SIPA1L3: variants seen among roughly 807,000 people sequenced by gnomAD.
SIPA1L3 encodes signal-induced proliferation-associated 1-like protein 3.
A neutral mutation model predicts 150.1 loss-of-function variants in SIPA1L3; 59 were observed. That is an observed-to-expected ratio of 0.39 (90% CI 0.32 to 0.49). The LOEUF is 0.49. Among genes scored for constraint, SIPA1L3 ranks in the 20% least tolerant of loss-of-function variants. The pLI is 0.86. For synonymous variants in SIPA1L3, 1,070 were observed against 1,077.6 expected, an observed-to-expected ratio of 0.99 and a Z score of 0.14; for missense variants, 2,211 against 2,489.5, an observed-to-expected ratio of 0.89 and a Z score of 2.38.
chr19:38,078,093 C>A (rs964846865), intron 2 of SIPA1L3, among the ~76,000 whole-genome samples: 2 of 152,176 alleles, frequency 1.3e-5, no homozygotes, highest in African/African-American at 4.8e-5. Context: ...AGATGCCCTG[C>A]CATCCAGGTC....
intron 2 of SIPA1L3, among the ~76,000 whole-genome samples, chr19:38,050,950 T>C (rs1377702087): frequency 6.6e-6 from 1 of 152,044 alleles, no homozygotes; most frequent in East Asian, 1.9e-4. Flanking sequence ...TCCCAGCTAC[T>C]CCAGAGGCTG....
At chr19:38,148,924 C>G (rs1971760592) in intron 12 of SIPA1L3, among the ~76,000 whole-genome samples, 2 of 152,192 alleles carry the variant, frequency 1.3e-5, no homozygotes, top group South Asian at 4.1e-4. Context: ...ATTTGATCTT[C>G]TCTTCTGCCG....
chr19:37,962,463 C>CTTTGTTTTTT (rs2046867631), intron 1 of SIPA1L3, among the ~76,000 whole-genome samples: 1 of 73,102 alleles, frequency 1.4e-5, no homozygotes, highest in Non-Finnish European at 2.3e-5. Flanking sequence ...TGCAGCCGGC[C>CTTTGTTTTTT]TTTTTTTTTT....
At chr19:38,204,675 G>T (rs544163705) in intron 21 of SIPA1L3, among the ~76,000 whole-genome samples, 2 of 152,160 alleles carry the variant, frequency 1.3e-5, no homozygotes, top group East Asian at 3.9e-4. Flanking sequence ...TGAGGCAAGA[G>T]AATCGCTTGA....
intron 1 of SIPA1L3, among the ~76,000 whole-genome samples, chr19:37,997,016 C>T (rs940635154): frequency 6.6e-6 from 1 of 151,758 alleles, no homozygotes; most frequent in Non-Finnish European, 1.5e-5. Flanking sequence ...TGTTTTTATA[C>T]TAGCCCCAGG....
intron 1 of SIPA1L3, among the ~76,000 whole-genome samples, chr19:38,021,380 A>G (rs1968369935): frequency 6.6e-6 from 1 of 152,234 alleles, no homozygotes; most frequent in African/African-American, 2.4e-5. Context: ...TGGCCTTAAG[A>G]CAGCTGTTGG....
intron 1 of SIPA1L3, among the ~76,000 whole-genome samples, chr19:38,024,425 T>A (rs1599920008): frequency 1.3e-5 from 2 of 151,920 alleles, no homozygotes; most frequent in African/African-American, 4.8e-5. Context: ...GAGATGAGGG[T>A]GTGGGGCCTG....
chr19:38,012,996 G>A (rs1327743491), intron 1 of SIPA1L3, among the ~76,000 whole-genome samples: 4 of 152,186 alleles, frequency 2.6e-5, no homozygotes, highest in Non-Finnish European at 5.9e-5. Flanking sequence ...AGTGGCCAGT[G>A]CTGCAGGCCT....
At chr19:37,916,415 A>G (rs1599789514) in intron 1 of SIPA1L3, among the ~76,000 whole-genome samples, 1 of 150,666 alleles carries the variant, frequency 6.6e-6, no homozygotes, top group African/African-American at 2.4e-5. Flanking sequence ...TGAGAGGATC[A>G]CTTGAGCCCA....
At chr19:38,171,447 C>T (rs1419999386) in intron 15 of SIPA1L3, among the ~76,000 whole-genome samples, 5 of 137,592 alleles carry the variant, frequency 3.6e-5, no homozygotes, top group Non-Finnish European at 3.0e-5. Context: ...GGCTGCAGTG[C>T]AATGGCACAG....
chr19:38,195,162 C>T (rs78005068), intron 18 of SIPA1L3, among the ~76,000 whole-genome samples: 4,433 of 152,296 alleles, frequency 0.029, 104 homozygotes, highest in Non-Finnish European at 0.039. Context: ...CAGAGCCTTC[C>T]TTTTGATCAC....
At chr19:38,111,606 C>T (rs957673739) in intron 8 of SIPA1L3, among the ~76,000 whole-genome samples, 7 of 152,302 alleles carry the variant, frequency 4.6e-5, no homozygotes, top group East Asian at 1.9e-4. Context: ...CTGCCTCCCT[C>T]GGCTGGGTGA....
At chr19:37,983,586 C>G (rs1329306326) in intron 1 of SIPA1L3, among the ~76,000 whole-genome samples, 3 of 152,024 alleles carry the variant, frequency 2.0e-5, no homozygotes, top group Non-Finnish European at 2.9e-5. Context: ...CCTTGTGAAC[C>G]TAAGAAACAG....
intron 19 of SIPA1L3, chr19:38,200,831 G>A (rs1249080379): frequency 6.6e-6 from 1 of 152,042 alleles, no homozygotes; most frequent in Non-Finnish European, 1.5e-5. Flanking sequence ...GGAGGCTGAG[G>A]CAGGAGAATC....
intron 3 of SIPA1L3, among the ~76,000 whole-genome samples, chr19:38,086,689 CA>C (rs1364928632): frequency 6.6e-6 from 1 of 152,138 alleles, no homozygotes; most frequent in African/African-American, 2.4e-5. Flanking sequence ...TCTCAAAAAA[CA>C]AAAACTCTTC....
chr19:37,979,131 T>G (rs1322473059), intron 1 of SIPA1L3, among the ~76,000 whole-genome samples: 1 of 152,090 alleles, frequency 6.6e-6, no homozygotes, highest in East Asian at 1.9e-4. Context: ...TGGCCACCTG[T>G]AGCCTGCGGG....
intron 1 of SIPA1L3, among the ~76,000 whole-genome samples, chr19:38,027,341 T>C (rs1968537487): frequency 6.6e-6 from 1 of 152,084 alleles, no homozygotes; most frequent in African/African-American, 2.4e-5. Context: ...AGGTTGCCAG[T>C]AGGAGTCCCT....
At chr19:37,942,479 G>A (rs1371763147) in intron 1 of SIPA1L3, among the ~76,000 whole-genome samples, 1 of 146,684 alleles carries the variant, frequency 6.8e-6, no homozygotes, top group East Asian at 2.1e-4. Context: ...GTGCAAAGGC[G>A]CTGAGGCTGG....
At chr19:38,203,988 C>G in intron 20 of SIPA1L3, 139 bp from the exon 21 acceptor site, 1 of 649,206 alleles carries the variant, frequency 1.5e-6, no homozygotes, top group East Asian at 2.8e-5. Flanking sequence ...CTTCCTGCTT[C>G]CCCTCAGAGC....
Sources: allele counts gnomAD v4.1 joint callset (sites outside exome capture counted in the v4.1 genomes callset), GRCh38; gene constraint gnomAD v4.1.1; transcripts MANE v1.5; gene names NCBI Gene and HGNC (gene_info 2026-07-23, HGNC 2026-07-21).